Variants in CPT1A observed in about 807,000 individuals in gnomAD.
CPT1A encodes carnitine palmitoyltransferase 1A, also known as carnitine O-palmitoyltransferase 1, liver isoform.
CPT1A carries 64 observed loss-of-function variants against 100.8 expected under a neutral mutation model. The ratio of observed to expected loss-of-function variants is 0.63; its 90% confidence interval spans 0.52 to 0.78. The LOEUF is 0.78. CPT1A is among the 30% of genes least tolerant of loss of function. The pLI is 0.00. For missense variants in CPT1A, 802 were observed against 1,034.1 expected (o/e 0.78, Z 3.08); for synonymous variants, 363 against 396.0 (o/e 0.92, Z 0.99).
chr11:68,781,911 A>G lies in CPT1A; in HGVS notation c.1212T>C (p.Asn404=), dbSNP rs1343771723. The G allele has an allele frequency of 6.2e-7, 1 of 1,614,108 alleles. No homozygotes were observed. The highest frequency in any genetic ancestry group is 1.3e-5 in the African/African-American group (1 of 75,020). The part of the protein sequence containing the change: ...CRQAYFGRGK[N]KQSLDAVEKA... ...TCTCCACAGCATCAAGAGACTGCTT[A>G]TTTTTCCCACGTCCAAAATAGGCCT... Residue 404 remains asparagine (N), a synonymous_variant, in exon 11 of 19, where the codon AAT becomes AAC. Transcript: ENST00000265641.
In CPT1A at chr11:68,757,327, T is replaced by G; in HGVS notation, c.*317A>C. On this transcript the variant is annotated 3_prime_UTR_variant, in exon 19 of 19. Coordinates refer to ENST00000265641, the MANE Select transcript of CPT1A (RefSeq NM_001876.4). ...CACACCATTTCCATTCCACTGTGTG[T>G]GAAGCCACAACCCTACTAATTCCTT... 1 of 1,234,656 alleles carries G rather than the reference T, an allele frequency of 8.1e-7. No homozygotes were observed. The highest frequency in any genetic ancestry group is 1.0e-6 in the Non-Finnish European group (1 of 977,384). The allele number at this position is 1,234,656 out of a possible 1,614,324, so 76.5% of individuals were successfully genotyped here.
chr11:68,807,347 C>T (rs1382603776), intron 4 of CPT1A, 120 bp downstream of exon 4: 2 of 1,044,922 alleles, frequency 1.9e-6, no homozygotes, highest in African/African-American at 1.6e-5. Flanking sequence ...GGTTGAGGCC[C>T]AAGTCACCAA....
chr11:68,762,552 T>C, intron 15 of CPT1A, 75 bp downstream of exon 15: 1 of 1,581,974 alleles, frequency 6.3e-7, no homozygotes, highest in Non-Finnish European at 8.6e-7. Flanking sequence ...TCAGAGAAGC[T>C]GGAGTGATGG....
chr11:68,817,904 G>A (rs1007558298), intron 1 of CPT1A, among the ~76,000 whole-genome samples: 1 of 152,064 alleles, frequency 6.6e-6, no homozygotes, highest in Non-Finnish European at 1.5e-5. Flanking sequence ...GGCTGGGGTC[G>A]ACAGGGTGTC....
In CPT1A at chr11:68,766,794, C is replaced by A. The variant is rs145222731; in HGVS notation, c.1741-4033G>T. Among the ~76,000 whole-genome samples the A allele has an allele frequency of 2.7e-3, 403 of 150,254 alleles. 1 individual carries two copies. The highest frequency in any genetic ancestry group is 9.5e-3 in the African/African-American group (387 of 40,942). Reference sequence around the variant, plus strand: ...TCAACTACCACGCCCGGCACTCCAGCCTGGGTGACAGAGTGACACTCTATC... The same window carrying A: ...TCAACTACCACGCCCGGCACTCCAGACTGGGTGACAGAGTGACACTCTATC... On this transcript the variant is annotated intron_variant, in intron 14 of 18. Coordinates refer to ENST00000265641, the MANE Select transcript of CPT1A (RefSeq NM_001876.4).
chr11:68,804,614 C>G (rs1855994897), intron 4 of CPT1A, among the ~76,000 whole-genome samples: 1 of 152,076 alleles, frequency 6.6e-6, no homozygotes, highest in African/African-American at 2.4e-5. Flanking sequence ...ACAAACAAAC[C>G]AAAAAACCAG....
Position 68,773,311 on chromosome 11 carries a change from C to A in CPT1A, c.1694G>T (p.Ser565Ile), listed in dbSNP as rs200826577. 2.3e-5 allele frequency: 37 copies of A among 1,614,048 alleles called. No homozygotes were observed. Among genetic ancestry groups the A allele is most frequent in the Non-Finnish European group, 3.1e-5 (37 of 1,180,046 alleles). The change falls in exon 14 of 19, where the codon AGC becomes ATC. Residue 565 changes from serine (S) to isoleucine (I), a missense_variant. Physicochemically the swap from Ser to Ile is moderately radical, Grantham distance 142. This residue lies in a region of CPT1A where 627 missense variants were observed against 799.3 expected (regional missense o/e 0.78). Coordinates refer to ENST00000265641, the MANE Select transcript of CPT1A (RefSeq NM_001876.4). ...GGCCAGCTGCACAAAGGCGTCTGGG[C>A]TCGTGCGACATTTCTTGATGATTCC... is the stretch of plus-strand genomic sequence containing the variant. Reference protein sequence around the residue: ...GKGIIKKCRTSPDAFVQLALQ... With the variant: ...GKGIIKKCRTIPDAFVQLALQ...
chr11:68,816,960 TGGTGTGTGTGTGGTGTGGGGGGGTGCGTG>T (rs1856427797), intron 1 of CPT1A, among the ~76,000 whole-genome samples: 1 of 90,046 alleles, frequency 1.1e-5, no homozygotes, highest in Non-Finnish European at 2.1e-5. Flanking sequence ...GTGGTGTGTA[TGGTGTGTGTGTGGTGTGGGGGGGTGCGTG>T]GGTGTGTGTG....
chr11:68,779,917 C>T lies in CPT1A; in HGVS notation c.1458+723G>A, dbSNP rs987136021. Among the ~76,000 whole-genome samples, 8 of 152,070 alleles carry T rather than the reference C, an allele frequency of 5.3e-5. No individual in the cohort carries two copies. In the East Asian group the frequency reaches 1.5e-3, roughly 29 times the overall value. ...TTAAAATGATGTCTTAGGTAAAAGA[C>T]ACGCTGCATGTTTATAAACCCAGAT... On this transcript the variant is annotated intron_variant, in intron 12 of 18. Transcript: ENST00000265641.
At chr11:68,794,027 G>A (rs1439900044) in intron 8 of CPT1A, among the ~76,000 whole-genome samples, 1 of 152,160 alleles carries the variant, frequency 6.6e-6, no homozygotes, top group Non-Finnish European at 1.5e-5. Flanking sequence ...GAGCAACTAA[G>A]CAGCTAGTAT....
intron 1 of CPT1A, among the ~76,000 whole-genome samples, chr11:68,824,248 C>CA (rs34276531): frequency 0.027 from 1,844 of 68,734 alleles, 37 homozygotes; most frequent in African/African-American, 0.051. Context: ...AGCTCCATCT[C>CA]AAAAAAAAAA....
chr11:68,768,504 G>A (rs575774036), intron 14 of CPT1A, among the ~76,000 whole-genome samples: 60 of 151,966 alleles, frequency 3.9e-4, no homozygotes, highest in Non-Finnish European at 6.6e-4. Flanking sequence ...CACCTCCCAC[G>A]TTCAAGTGAT....
intron 3 of CPT1A, 138 bp from the exon 4 acceptor site, chr11:68,807,776 G>C: frequency 7.5e-6 from 6 of 799,344 alleles, no homozygotes; most frequent in South Asian, 7.4e-5. Context: ...GTCAGAGGGA[G>C]AGCACTTGCA....
chr11:68,792,631 G>C (rs1307530004), intron 9 of CPT1A, among the ~76,000 whole-genome samples: 1 of 152,246 alleles, frequency 6.6e-6, no homozygotes, highest in African/African-American at 2.4e-5. Flanking sequence ...CCCTGCCCAG[G>C]TCAGGCAGCT....
intron 1 of CPT1A, among the ~76,000 whole-genome samples, chr11:68,824,678 C>T (rs1399660321): frequency 6.6e-6 from 1 of 152,162 alleles, no homozygotes; most frequent in East Asian, 1.9e-4. Flanking sequence ...CTGCCTCAGC[C>T]TCCTGAGTAG....
At chr11:68,824,234 G>T (rs1856664807) in intron 1 of CPT1A, among the ~76,000 whole-genome samples, 1 of 138,276 alleles carries the variant, frequency 7.2e-6, no homozygotes, top group African/African-American at 2.7e-5. Flanking sequence ...GGGGACAAGA[G>T]CAAAGCTCCA....
chr11:68,787,412 C>T (rs1388692643), intron 9 of CPT1A, among the ~76,000 whole-genome samples: 12 of 145,042 alleles, frequency 8.3e-5, no homozygotes, highest in Non-Finnish European at 1.8e-4. Flanking sequence ...CCAGCCTGGG[C>T]GACAGCAAGA....
At chr11:68,827,745 C>T (rs1002131451) in intron 1 of CPT1A, among the ~76,000 whole-genome samples, 2 of 152,144 alleles carry the variant, frequency 1.3e-5, no homozygotes, top group Non-Finnish European at 2.9e-5. Context: ...TCTTTCCCTA[C>T]GTATTTGAGT....
At chr11:68,798,889 T>C (rs11228359) in intron 6 of CPT1A, among the ~76,000 whole-genome samples, 12,873 of 152,158 alleles carry the variant, frequency 0.085, 651 homozygotes, top group Non-Finnish European at 0.11. Flanking sequence ...AGGCTGGGTG[T>C]GGTGGCTCAT....
Sources: gnomAD v4.1 joint callset for allele counts (sites outside exome capture counted in the v4.1 genomes callset) on GRCh38, gnomAD v4.1.1 for gene constraint, gnomAD v4.1.1 regional missense constraint, MANE v1.5 for transcripts, NCBI Gene and HGNC (gene_info 2026-07-23, HGNC 2026-07-21) for gene names.